Variants in TSEN2 observed in about 807,000 individuals in gnomAD.
TSEN2 encodes tRNA splicing endonuclease subunit 2, also known as tRNA-splicing endonuclease subunit Sen2.
TSEN2 carries 54 observed loss-of-function variants against 59.2 expected under a neutral mutation model. That is an observed-to-expected ratio of 0.91 (90% confidence interval 0.73 to 1.14). TSEN2 has a LOEUF of 1.14. Among genes scored for constraint, TSEN2 ranks in the 50% most tolerant of loss-of-function variants. The pLI, the probability that TSEN2 is intolerant of heterozygous loss-of-function variation, is 0.00. For synonymous variants in TSEN2, 195 were observed against 198.2 expected, an observed-to-expected ratio of 0.98 and a Z score of 0.14; for missense variants, 636 against 576.2, an observed-to-expected ratio of 1.10 and a Z score of -1.06.
At chr3:12,515,119 G>A (rs1242002042) in intron 6 of TSEN2, 1 of 152,190 alleles carries the variant, frequency 6.6e-6, no homozygotes, top group African/African-American at 2.4e-5. Flanking sequence ...AGGATCCCCA[G>A]ACCACCCTTT....
chr3:12,493,773 T>TAAATA (rs896108474), intron 3 of TSEN2, among the ~76,000 whole-genome samples: 3 of 152,158 alleles, frequency 2.0e-5, no homozygotes, highest in Non-Finnish European at 2.9e-5. Flanking sequence ...TCTAAATAAA[T>TAAATA]AAATAAAATA....
At chr3:12,508,885 G>A (rs1301994940) in intron 6 of TSEN2, among the ~76,000 whole-genome samples, 2 of 152,146 alleles carry the variant, frequency 1.3e-5, no homozygotes, top group Admixed American at 6.5e-5. Context: ...TTTAGAGACA[G>A]GGTTTCTCTC....
At position 12,517,792 on chromosome 3, in the gene TSEN2, G is replaced by A. The variant is rs188241458; in HGVS notation, c.960+1131G>A. Among the ~76,000 whole-genome samples the A allele has an allele frequency of 8.0e-4, 122 of 152,244 alleles. 1 individual carries two copies. The highest frequency in any genetic ancestry group is 5.0e-3 in the Admixed American group (76 of 15,296). On this transcript the variant is annotated intron_variant, in intron 7 of 11. Transcript: ENST00000284995. ...GGCCTTAGCTGAAATGTGTCAGAAC[G>A]TTACAGCTGTGACATAAAAGCCTCA...
intron 4 of TSEN2, among the ~76,000 whole-genome samples, chr3:12,497,147 C>A (rs1207575523): frequency 6.6e-6 from 1 of 152,206 alleles, no homozygotes; most frequent in Non-Finnish European, 1.5e-5. Context: ...GCAGCACTTT[C>A]CTCATGTGTC....
At chr3:12,497,269 C>G (rs1313196353) in intron 4 of TSEN2, among the ~76,000 whole-genome samples, 2 of 152,226 alleles carry the variant, frequency 1.3e-5, no homozygotes, top group African/African-American at 4.8e-5. Context: ...CTCCATCCAT[C>G]CCAGACCTCC....
intron 5 of TSEN2, among the ~76,000 whole-genome samples, chr3:12,504,059 T>C (rs552642127): frequency 3.9e-5 from 6 of 152,298 alleles, no homozygotes; most frequent in African/African-American, 1.4e-4. Context: ...TTACACCTGA[T>C]CTTGAGTACA....
intron 10 of TSEN2, 186 bp from the exon 11 acceptor site, chr3:12,531,384 G>A: frequency 1.7e-6 from 1 of 594,428 alleles, no homozygotes; most frequent in Non-Finnish European, 3.0e-6. Flanking sequence ...TTACTAAACG[G>A]CAGGTACTTA....
At position 12,516,639 on chromosome 3, in the gene TSEN2, G is replaced by C; in HGVS notation, c.938G>C (p.Cys313Ser). The C allele has an allele frequency of 1.2e-6, 2 of 1,613,936 alleles. No individual in the cohort carries two copies. Among genetic ancestry groups the C allele is most frequent in the Non-Finnish European group, 8.5e-7 (1 of 1,179,982 alleles). ...EAFFLVYALG[C>S]LSIYYEKEPL... ...TTTTTCTTGGTCTATGCTCTGGGATGTTTAAGTATTTACTATGAGAAGGTA... is the reference window on the plus strand; with the variant it reads ...TTTTTCTTGGTCTATGCTCTGGGATCTTTAAGTATTTACTATGAGAAGGTA... The change falls in exon 7 of 12, where the codon TGT (cysteine) becomes TCT (serine). Residue 313 changes from cysteine to serine, a missense_variant. Transcript: ENST00000284995.
chr3:12,481,178 G>A (rs2052189476), upstream of TSEN2, among the ~76,000 whole-genome samples: 1 of 152,146 alleles, frequency 6.6e-6, no homozygotes, highest in Admixed American at 6.5e-5. Context: ...GAGGTTCTGG[G>A]CACATTTCAC....
chr3:12,508,583 T>C (rs1011098310), intron 6 of TSEN2, among the ~76,000 whole-genome samples: 3 of 152,168 alleles, frequency 2.0e-5, no homozygotes, highest in African/African-American at 7.2e-5. Flanking sequence ...ACAGCTAACT[T>C]AGAAGTCTGC....
intron 4 of TSEN2, 32 bp downstream of exon 4, chr3:12,496,586 A>C (rs2053769663): frequency 1.2e-6 from 2 of 1,612,846 alleles, no homozygotes. Context: ...CTTCTGTCAA[A>C]ATGATGGTTT....
chr3:12,489,630 G>C, intron 1 of TSEN2, 154 bp from the exon 2 acceptor site: 1 of 665,502 alleles, frequency 1.5e-6, no homozygotes, highest in Non-Finnish European at 2.6e-6. Flanking sequence ...CACACAAACT[G>C]TTCTTACTGC....
At chr3:12,531,753 G>GT (rs1193828063) in intron 11 of TSEN2, 94 bp downstream of exon 11, 1 of 891,372 alleles carries the variant, frequency 1.1e-6, no homozygotes, top group Non-Finnish European at 1.8e-6. Flanking sequence ...CATGAATACA[G>GT]TTTTGCCTTG....
At chr3:12,530,271 G>C (rs2125249808) in intron 10 of TSEN2, 2 of 1,001,912 alleles carry the variant, frequency 2.0e-6, no homozygotes, top group Admixed American at 5.7e-5. Flanking sequence ...AGATCTCTTA[G>C]AGAGGAAGGG....
chr3:12,490,315 A>T (rs192347234), intron 2 of TSEN2, among the ~76,000 whole-genome samples: 1 of 152,308 alleles, frequency 6.6e-6, no homozygotes, highest in East Asian at 1.9e-4. Context: ...TAATTTACAG[A>T]AATGTAATGG....
chr3:12,495,082 C>T (rs1009363467), intron 3 of TSEN2, among the ~76,000 whole-genome samples: 26 of 129,166 alleles, frequency 2.0e-4, no homozygotes, highest in East Asian at 1.1e-3. Flanking sequence ...GCCAAAATCG[C>T]GCCACTGCAT....
At position 12,526,539 on chromosome 3, in the gene TSEN2, C is replaced by G. The variant is rs185832386; in HGVS notation, c.1100-2349C>G. Among the ~76,000 whole-genome samples, 44 of 152,288 alleles carry G rather than the reference C, an allele frequency of 2.9e-4. No individual in the cohort carries two copies. The East Asian group carries it at 8.3e-3, about 29-fold the overall frequency. On this transcript the variant is annotated intron_variant, in intron 8 of 11. Coordinates refer to ENST00000284995, the MANE Select transcript of TSEN2 (RefSeq NM_025265.4). The stretch of plus-strand genomic sequence containing the variant: ...ACCATCTAGGTTTTGTGTAAGTACA[C>G]TCTACCATGTTTACACAACAACGAA...
chr3:12,527,178 C>G (rs74643062), intron 8 of TSEN2, among the ~76,000 whole-genome samples: 2,550 of 152,296 alleles, frequency 0.017, 46 homozygotes, highest in South Asian at 0.059. Context: ...TGAATTTGAG[C>G]TGACTTGTTG....
chr3:12,499,912 C>T (rs926234600), intron 4 of TSEN2, among the ~76,000 whole-genome samples: 3 of 152,206 alleles, frequency 2.0e-5, no homozygotes, highest in African/African-American at 7.2e-5. Flanking sequence ...CACTCTAAAC[C>T]ACTCTGCTGT....
Sources: allele counts gnomAD v4.1 joint callset (sites outside exome capture counted in the v4.1 genomes callset), GRCh38; gene constraint gnomAD v4.1.1; transcripts MANE v1.5; gene names NCBI Gene and HGNC (gene_info 2026-07-23, HGNC 2026-07-21).